NRG3: variants seen among roughly 807,000 people sequenced by gnomAD.
The protein encoded by NRG3 is neuregulin 3, also known as pro-neuregulin-3, membrane-bound isoform.
In NRG3, 31 loss-of-function variants were observed where a neutral mutation model predicts 66.9. The observed-to-expected ratio is 0.46, with a 90% CI of 0.35 to 0.63. NRG3 has a LOEUF of 0.63. Among genes scored for constraint, NRG3 ranks in the 20% least tolerant of loss-of-function variants. The pLI is 0.00. For missense variants in NRG3, 910 were observed against 878.9 expected (o/e 1.04, Z -0.45); for synonymous variants, 393 against 359.4 (o/e 1.09, Z -1.06).
rs193055032 is a variant in NRG3, at chr10:82,057,090, A to C, written c.823+180927A>C. 7.8e-4 allele frequency among the ~76,000 whole-genome samples: 119 copies of C among 151,852 alleles called. 1 individual carries two copies. Among genetic ancestry groups the C allele is most frequent in the Admixed American group, 5.6e-3 (85 of 15,234 alleles). ...TTTATACTGCTTGTTGGATCTTTCC[A>C]CTCTATTATCCTTTCCTTAAAATAT... On this transcript the variant is annotated intron_variant, in intron 1 of 8. Transcript: ENST00000372141.
chr10:82,423,652 A>G (rs193085850), intron 2 of NRG3, among the ~76,000 whole-genome samples: 6 of 152,114 alleles, frequency 3.9e-5, no homozygotes, highest in African/African-American at 1.4e-4. Context: ...AAAGAGCTTT[A>G]TTGAGAAACA....
intron 3 of NRG3, among the ~76,000 whole-genome samples, chr10:82,752,883 A>G (rs2058929541): frequency 6.6e-6 from 1 of 152,188 alleles, no homozygotes; most frequent in Non-Finnish European, 1.5e-5. Context: ...TGTTATTTAT[A>G]AACGACCCAG....
At chr10:82,157,956 C>G (rs754084674) in intron 1 of NRG3, among the ~76,000 whole-genome samples, 40 of 151,598 alleles carry the variant, frequency 2.6e-4, no homozygotes, top group Non-Finnish European at 4.6e-4. Flanking sequence ...ACTGAATGTT[C>G]CTGTGAGCAT....
At chr10:82,735,781 G>A (rs1295104375) in intron 2 of NRG3, among the ~76,000 whole-genome samples, 1 of 152,122 alleles carries the variant, frequency 6.6e-6, no homozygotes, top group Non-Finnish European at 1.5e-5. Context: ...GGGAGGGATA[G>A]CATTAGTACA....
intron 2 of NRG3, among the ~76,000 whole-genome samples, chr10:82,570,203 A>G (rs184343288): frequency 1.3e-5 from 2 of 151,700 alleles, no homozygotes; most frequent in Admixed American, 1.3e-4. Context: ...ATCCTATGCT[A>G]TTACTTAAAA....
In NRG3 at chr10:82,628,785, T is replaced by C. The variant is rs17100351; in HGVS notation, c.954-109792T>C. 8.8e-4 allele frequency among the ~76,000 whole-genome samples: 134 copies of C among 152,300 alleles called. No homozygotes were observed. In the East Asian group the frequency reaches 0.024, roughly 28 times the overall value. On this transcript the variant is annotated intron_variant, in intron 2 of 8. Transcript: ENST00000372141. ...AGTGCAATTGAAACTTTGGGGACTT[T>C]ATTTACCACTGTATTCAATGACTTC...
intron 1 of NRG3, among the ~76,000 whole-genome samples, chr10:82,023,835 G>A (rs1465810330): frequency 6.6e-6 from 1 of 151,980 alleles, no homozygotes; most frequent in Admixed American, 6.6e-5. Context: ...GTCTGTGTCT[G>A]GTTTTGGTAT....
intron 1 of NRG3, among the ~76,000 whole-genome samples, chr10:82,222,830 A>G (rs1435091668): frequency 6.6e-6 from 1 of 152,154 alleles, no homozygotes; most frequent in Admixed American, 6.5e-5. Context: ...GATTTCTAGT[A>G]TGATTTTCCG....
At chr10:82,299,220 C>T (rs1161539650) in intron 1 of NRG3, among the ~76,000 whole-genome samples, 1 of 152,126 alleles carries the variant, frequency 6.6e-6, no homozygotes, top group Non-Finnish European at 1.5e-5. Flanking sequence ...GGCTGATGTT[C>T]CCTGAGGTCA....
chr10:82,770,214 T>C (rs997610615), intron 3 of NRG3, among the ~76,000 whole-genome samples: 1 of 152,168 alleles, frequency 6.6e-6, no homozygotes, highest in Non-Finnish European at 1.5e-5. Context: ...CAATAAATTA[T>C]AAAAGTGAAA....
At chr10:82,006,691 A>T (rs2061388722) in intron 1 of NRG3, among the ~76,000 whole-genome samples, 1 of 151,980 alleles carries the variant, frequency 6.6e-6, no homozygotes, top group African/African-American at 2.4e-5. Context: ...CATGTATTGG[A>T]TAGTCTATCT....
At chr10:82,325,462 G>A (rs2081820175) in intron 1 of NRG3, among the ~76,000 whole-genome samples, 1 of 152,120 alleles carries the variant, frequency 6.6e-6, no homozygotes, top group African/African-American at 2.4e-5. Context: ...TTGGTCTGAT[G>A]ATAGTGTAAT....
rs577470872 is a variant in NRG3 at position 82,985,214 on chromosome 10, C to T, written c.1700C>T (p.Ser567Leu). The change falls in exon 9 of 9, where the codon TCA (serine) becomes TTA (leucine). Residue 567 changes from serine to leucine, a missense_variant. Physicochemically the swap from Ser to Leu is moderately radical, Grantham distance 145. Transcript: ENST00000372141. Reference sequence around the variant, plus strand: ...GAGCAAAAGGACCTGGTGGGCTATTCATCCACAAGGGCCAGTTCTGTGCCC... The same window carrying T: ...GAGCAAAAGGACCTGGTGGGCTATTTATCCACAAGGGCCAGTTCTGTGCCC... Reference protein sequence around the residue: ...SLEQKDLVGYSSTRASSVPII... With the variant: ...SLEQKDLVGYLSTRASSVPII... 1.4e-4 allele frequency: 229 copies of T among 1,614,128 alleles called. 6 individuals are homozygous for T. The highest frequency in any genetic ancestry group is 1.4e-3 in the South Asian group (128 of 91,070).
chr10:82,049,271 C>G (rs1232330721), intron 1 of NRG3, among the ~76,000 whole-genome samples: 2 of 152,058 alleles, frequency 1.3e-5, no homozygotes, highest in African/African-American at 2.4e-5. Flanking sequence ...ATTTGGATGT[C>G]TGTTGTCTGC....
chr10:82,027,862 A>G (rs1370159803), intron 1 of NRG3, among the ~76,000 whole-genome samples: 1 of 152,104 alleles, frequency 6.6e-6, no homozygotes, highest in Admixed American at 6.6e-5. Flanking sequence ...GAGAAGAGAC[A>G]AAGACAGGAG....
chr10:82,132,508 A>ATATC (rs2068965288), intron 1 of NRG3, among the ~76,000 whole-genome samples: 2 of 37,616 alleles, frequency 5.3e-5, no homozygotes, highest in African/African-American at 4.2e-4. Flanking sequence ...TATATATCAT[A>ATATC]TATATATGAT....
rs116676228 is a variant in NRG3, at chr10:82,696,611, C to T, written c.954-41966C>T. ...TTTACTCAGCATTTTCTGAGGCTCT[C>T]CTAGCAACAAGAGTGTTGCAGGGTG... On this transcript the variant is annotated intron_variant, in intron 2 of 8. Transcript: ENST00000372141. Among the ~76,000 whole-genome samples the T allele has an allele frequency of 3.8e-3, 582 of 152,276 alleles. 3 individuals are homozygous for T. Among genetic ancestry groups the T allele is most frequent in the African/African-American group, 0.012 (515 of 41,552 alleles).
intron 1 of NRG3, among the ~76,000 whole-genome samples, chr10:81,896,427 T>C (rs1368860259): frequency 1.3e-5 from 2 of 152,176 alleles, no homozygotes; most frequent in Non-Finnish European, 2.9e-5. Context: ...CAGTGCTTAG[T>C]AAAGAATACT....
chr10:82,635,772 G>T (rs2050153757), intron 2 of NRG3, among the ~76,000 whole-genome samples: 1 of 152,000 alleles, frequency 6.6e-6, no homozygotes, highest in Admixed American at 6.6e-5. Context: ...CAGTCCTGAA[G>T]ACATAATATG....
Sources: allele counts gnomAD v4.1 joint callset (sites outside exome capture counted in the v4.1 genomes callset), GRCh38; gene constraint gnomAD v4.1.1; transcripts MANE v1.5; gene names NCBI Gene and HGNC (gene_info 2026-07-23, HGNC 2026-07-21).